Variants in EYS observed in about 807,000 individuals in gnomAD.
EYS encodes the protein EGF-like photoreceptor maintenance factor, also known as protein eyes shut homolog.
A neutral mutation model predicts 282.1 loss-of-function variants in EYS; 250 were observed. The observed-to-expected ratio is 0.89, with a 90% CI of 0.80 to 0.98. The LOEUF is 0.98. Ranked by LOEUF, EYS falls within the 50% of genes least tolerant of loss-of-function variation. EYS has a pLI of 0.00. For missense variants in EYS, 4,016 were observed against 3,709.0 expected (o/e 1.08, Z -2.15); for synonymous variants, 1,355 against 1,282.9 (o/e 1.06, Z -1.20).
intron 32 of EYS, among the ~76,000 whole-genome samples, chr6:64,081,402 TA>T (rs141100821): frequency 0.033 from 5,045 of 151,288 alleles, 285 homozygotes; most frequent in African/African-American, 0.11. Context: ...TAATACTACT[TA>T]AAAAAAAACC....
At chr6:64,394,227 T>A (rs1397925843) in intron 28 of EYS, among the ~76,000 whole-genome samples, 2 of 152,116 alleles carry the variant, frequency 1.3e-5, no homozygotes, top group African/African-American at 2.4e-5. Flanking sequence ...TACAGATTCA[T>A]TGCCATCCCC....
chr6:64,227,759 G>T (rs1766293184), intron 31 of EYS, among the ~76,000 whole-genome samples: 1 of 151,976 alleles, frequency 6.6e-6, no homozygotes, highest in African/African-American at 2.4e-5. Flanking sequence ...GGTGTTGATT[G>T]TACTCAATAA....
chr6:65,549,325 G>T (rs76838586), intron 2 of EYS, among the ~76,000 whole-genome samples: 50,981 of 151,888 alleles, frequency 0.34, 8,608 homozygotes, highest in East Asian at 0.43. Flanking sequence ...GAGAACTGGA[G>T]ATGCAGTATG....
chr6:64,689,064 A>G (rs1466314464), intron 22 of EYS, among the ~76,000 whole-genome samples: 1 of 152,170 alleles, frequency 6.6e-6, no homozygotes, highest in Non-Finnish European at 1.5e-5. Context: ...TTGTATATTT[A>G]AAAAACCCCA....
At chr6:64,826,079 C>T in intron 19 of EYS, among the ~76,000 whole-genome samples, 1 of 151,722 alleles carries the variant, frequency 6.6e-6, no homozygotes, top group East Asian at 1.9e-4. Context: ...GCCTACATTG[C>T]CTTATATACC....
intron 36 of EYS, among the ~76,000 whole-genome samples, chr6:63,838,734 T>C (rs1771873630): frequency 6.6e-6 from 1 of 152,148 alleles, no homozygotes; most frequent in African/African-American, 2.4e-5. Flanking sequence ...AGGCCTCTCT[T>C]GGCTTCTGTG....
intron 26 of EYS, among the ~76,000 whole-genome samples, chr6:64,510,358 C>T (rs952855540): frequency 1.3e-5 from 2 of 151,778 alleles, no homozygotes; most frequent in African/African-American, 4.8e-5. Flanking sequence ...TTTCTAAAAA[C>T]TTTTAATACT....
chr6:64,388,775 G>T lies in EYS; in HGVS notation c.5993C>A (p.Ser1998Tyr). 1 of 1,544,902 alleles carries T rather than the reference G, an allele frequency of 6.5e-7. No homozygotes were observed. Among genetic ancestry groups the T allele is most frequent in the East Asian group, 2.5e-5 (1 of 40,424 alleles). ...GGGTTTTCCGAGTACATGATTGATA[G>T]ATTCGCATATTTGTGTATTCCTCCC... ...ILGRNTQICE[S>Y]INHVLGKPLP... Residue 1998 changes from serine (S) to tyrosine (Y), a missense_variant, in exon 29 of 43, where the codon TCT becomes TAT. Ser to Tyr is a moderately radical substitution (Grantham distance 144). Transcript: ENST00000503581.
intron 35 of EYS, among the ~76,000 whole-genome samples, chr6:63,875,870 T>C (rs538492396): frequency 6.6e-6 from 1 of 152,310 alleles, no homozygotes; most frequent in Non-Finnish European, 1.5e-5. Context: ...CTTTTCTTCT[T>C]TGTTAGTCTT....
At chr6:63,826,667 A>G (rs1021810265) in intron 36 of EYS, among the ~76,000 whole-genome samples, 1 of 152,180 alleles carries the variant, frequency 6.6e-6, no homozygotes, top group Admixed American at 6.6e-5. Context: ...AAGGAAAGAT[A>G]CAGTCATTTT....
chr6:65,534,752 C>T (rs71572533), intron 2 of EYS, among the ~76,000 whole-genome samples: 7 of 152,060 alleles, frequency 4.6e-5, no homozygotes, highest in Non-Finnish European at 8.8e-5. Flanking sequence ...CTTTTTCCAC[C>T]GTAAAGCTTC....
intron 22 of EYS, among the ~76,000 whole-genome samples, chr6:64,724,723 T>C (rs1176807472): frequency 6.6e-6 from 1 of 152,188 alleles, no homozygotes; most frequent in East Asian, 1.9e-4. Flanking sequence ...TCATCTGATA[T>C]GCACTGAAAG....
chr6:64,741,175 C>G (rs574332223), intron 22 of EYS, among the ~76,000 whole-genome samples: 3 of 152,208 alleles, frequency 2.0e-5, no homozygotes, highest in African/African-American at 7.2e-5. Flanking sequence ...CTCCTTGATC[C>G]ATGGGCTTCA....
chr6:64,684,622 T>C (rs866958317), intron 22 of EYS, among the ~76,000 whole-genome samples: 2 of 151,900 alleles, frequency 1.3e-5, no homozygotes, highest in Admixed American at 6.6e-5. Context: ...TATATGTATA[T>C]GAGTGGACAC....
At chr6:65,590,075 G>A (rs960955650) in intron 2 of EYS, among the ~76,000 whole-genome samples, 2 of 152,016 alleles carry the variant, frequency 1.3e-5, no homozygotes, top group South Asian at 2.1e-4. Context: ...AGAGACCTTA[G>A]TGCTTAATAA....
At chr6:64,770,443 G>GTGATCA (rs1773491544) in intron 22 of EYS, among the ~76,000 whole-genome samples, 1 of 151,948 alleles carries the variant, frequency 6.6e-6, no homozygotes, top group Non-Finnish European at 1.5e-5. Flanking sequence ...AGTAGTGGTG[G>GTGATCA]TGATCACTAA....
At chr6:63,830,515 AG>A (rs1771600079) in intron 36 of EYS, among the ~76,000 whole-genome samples, 1 of 152,206 alleles carries the variant, frequency 6.6e-6, no homozygotes, top group Admixed American at 6.5e-5. Context: ...AGAGAAGTTT[AG>A]AGAAAAAAGA....
chr6:64,912,476 G>T lies in EYS; in HGVS notation c.2641+8C>A, dbSNP rs886061683. 13 of 1,549,336 alleles carry T rather than the reference G, an allele frequency of 8.4e-6. No individual in the cohort carries two copies. The highest frequency in any genetic ancestry group is 1.7e-4 in the Middle Eastern group (1 of 6,010). On this transcript the variant is annotated splice_region_variant and intron_variant, in intron 16 of 42. Coordinates refer to ENST00000503581, the MANE Select transcript of EYS (RefSeq NM_001142800.2). ...TTTAAAAACAATAAAATCCATATTA[G>T]CTCTTACCTTCTCTACAAATACAAT... is the stretch of plus-strand genomic sequence containing the variant.
At position 64,457,699 on chromosome 6, in the gene EYS, T is replaced by G. The variant is rs1237541486; in HGVS notation, c.5645-18347A>C. 2.0e-5 allele frequency among the ~76,000 whole-genome samples: 3 copies of G among 152,034 alleles called. No homozygotes were observed. In the East Asian group the frequency reaches 5.8e-4, roughly 29 times the overall value. ...CTCTTTCTTTTGGTTTCCATTTTTC[T>G]GAAATATCTTTTTTCAGTTCTTCAT... On this transcript the variant is annotated intron_variant, in intron 26 of 42. Transcript: ENST00000503581.
Sources: allele counts gnomAD v4.1 joint callset (sites outside exome capture counted in the v4.1 genomes callset), GRCh38; gene constraint gnomAD v4.1.1; transcripts MANE v1.5; gene names NCBI Gene and HGNC (gene_info 2026-07-23, HGNC 2026-07-21).